Variants in SPATA13 observed in about 807,000 individuals in gnomAD.
SPATA13 encodes the protein spermatogenesis-associated protein 13.
Under a neutral mutation model 104.0 loss-of-function variants are expected in SPATA13, and 50 were observed. The ratio of observed to expected loss-of-function variants is 0.48; its 90% CI spans 0.38 to 0.61. The LOEUF is 0.61. Among genes scored for constraint, SPATA13 ranks in the 20% least tolerant of loss-of-function variants. The pLI is 0.00. For missense variants in SPATA13, 1,524 were observed against 1,690.6 expected, an observed-to-expected ratio of 0.90 and a Z score of 1.73; for synonymous variants, 606 against 667.5, an observed-to-expected ratio of 0.91 and a Z score of 1.42.
At chr13:24,044,140 C>T (rs1379403949) in intron 3 of SPATA13, among the ~76,000 whole-genome samples, 28 of 152,080 alleles carry the variant, frequency 1.8e-4, no homozygotes, top group Admixed American at 1.8e-3. Flanking sequence ...TGAGCCTGGC[C>T]CGGGGCTGCT....
At chr13:24,279,132 A>G (rs1875289613) in intron 4 of SPATA13, among the ~76,000 whole-genome samples, 1 of 152,156 alleles carries the variant, frequency 6.6e-6, no homozygotes, top group African/African-American at 2.4e-5. Flanking sequence ...GACAAATGCT[A>G]TGGAGAAAAC....
chr13:24,158,985 T>C (rs548360144), upstream of SPATA13, among the ~76,000 whole-genome samples: 1 of 152,346 alleles, frequency 6.6e-6, no homozygotes, highest in African/African-American at 2.4e-5. Context: ...TAAAAAGTAT[T>C]GCATGTAAAT....
intron 2 of SPATA13, among the ~76,000 whole-genome samples, chr13:24,228,108 C>CTT (rs71186818): frequency 0.026 from 2,605 of 102,040 alleles, 53 homozygotes; most frequent in African/African-American, 0.045. Context: ...CTCTTGTACT[C>CTT]TTTTTTTTTT....
In SPATA13 at chr13:24,290,859, C is replaced by G; in HGVS notation, c.3055C>G (p.Leu1019Val). The G allele has an allele frequency of 6.2e-7, 1 of 1,614,072 alleles. No individual in the cohort carries two copies. ...CKYPLQLAEL[L>V]KYTTQEHGDY... ...ATACCCGCTGCAGCTGGCCGAGCTG[C>G]TCAAGTATACCACACAGGAACACGG... is the stretch of plus-strand genomic sequence containing the variant. Residue 1019 changes from leucine (L) to valine (V), a missense_variant, in exon 9 of 13, where the codon CTC (leucine) becomes GTC (valine). Leu to Val is a conservative substitution (Grantham distance 32). This residue lies in a region of SPATA13 where 435 missense variants were observed against 554.8 expected (regional missense o/e 0.78). Coordinates refer to ENST00000382108, the MANE Select transcript of SPATA13 (RefSeq NM_001166271.3).
chr13:24,208,060 C>G (rs1870808924), intron 1 of SPATA13, among the ~76,000 whole-genome samples: 1 of 152,240 alleles, frequency 6.6e-6, no homozygotes, highest in South Asian at 2.1e-4. Context: ...GCTGAAAGAG[C>G]TTTCGGCAGG....
chr13:24,038,668 C>T (rs893986513), intron 3 of SPATA13, among the ~76,000 whole-genome samples: 1 of 152,162 alleles, frequency 6.6e-6, no homozygotes, highest in African/African-American at 2.4e-5. Flanking sequence ...CAGCCACAAA[C>T]AGGAAAGTGA....
intron 3 of SPATA13, among the ~76,000 whole-genome samples, chr13:24,139,352 C>T (rs1593355164): frequency 6.6e-6 from 1 of 152,208 alleles, no homozygotes; most frequent in East Asian, 1.9e-4. Context: ...GAGACTCCAG[C>T]TTACCTCGTA....
At chr13:24,265,318 G>A (rs1285775548) in intron 4 of SPATA13, among the ~76,000 whole-genome samples, 1 of 152,188 alleles carries the variant, frequency 6.6e-6, no homozygotes, top group African/African-American at 2.4e-5. Flanking sequence ...CCTGTGTTAC[G>A]TTCAATGCCT....
intron 3 of SPATA13, among the ~76,000 whole-genome samples, chr13:24,064,084 T>C (rs1013464250): frequency 5.9e-5 from 9 of 152,202 alleles, no homozygotes; most frequent in Non-Finnish European, 1.0e-4. Context: ...CTGCCTACCC[T>C]TCCAGCACTT....
At chr13:24,035,638 G>A (rs572244504) in intron 3 of SPATA13, among the ~76,000 whole-genome samples, 6 of 152,298 alleles carry the variant, frequency 3.9e-5, no homozygotes, top group South Asian at 2.1e-4. Context: ...CACAGGAGGC[G>A]TGTCACTGAG....
At position 24,270,947 on chromosome 13, in the gene SPATA13, C is replaced by T. The variant is rs1163488303; in HGVS notation, c.2165-13188C>T. 8.7e-6 allele frequency: 13 copies of T among 1,497,270 alleles called. 1 individual carries two copies. The East Asian group carries it at 1.1e-4, about 13-fold the overall frequency. The allele number at this position is 1,497,270 out of a possible 1,614,324, so 92.7% of individuals were successfully genotyped here. A position where few individuals can be genotyped will look rare whatever the true frequency, so the allele number is the denominator to read the frequency against. The stretch of plus-strand genomic sequence containing the variant: ...CAAAGAATGGATTGTTGTACTGTGA[C>T]ATGTTGCCGATTCAGCTCTTTCCTT... On this transcript the variant is annotated intron_variant, in intron 4 of 12. Coordinates refer to ENST00000382108, the MANE Select transcript of SPATA13 (RefSeq NM_001166271.3).
chr13:24,211,815 C>T (rs59784789), intron 1 of SPATA13, among the ~76,000 whole-genome samples: 15,679 of 152,156 alleles, frequency 0.1, 2,122 homozygotes, highest in African/African-American at 0.31. Context: ...CCTAGGCTCC[C>T]CCACCCTGTC....
rs751031777 is a variant in SPATA13 at position 24,304,779 on chromosome 13, C to T, written c.*2006C>T. ...TGCTTCTGTGGACCATCATGCCGCT[C>T]GGCACGTCCTGAGACAGAAGTTGCT... is the stretch of plus-strand genomic sequence containing the variant. On this transcript the variant is annotated 3_prime_UTR_variant, in exon 13 of 13. Transcript: ENST00000382108. 3 of 152,228 alleles carry T rather than the reference C, an allele frequency of 2.0e-5. No homozygotes were observed. The highest frequency in any genetic ancestry group is 7.2e-5 in the African/African-American group (3 of 41,450). The allele number at this position is 152,228 out of a possible 1,614,324, so 9.4% of individuals were successfully genotyped here.
intron 1 of SPATA13, among the ~76,000 whole-genome samples, chr13:24,209,858 GC>G (rs1322665704): frequency 6.6e-6 from 1 of 152,106 alleles, no homozygotes; most frequent in Non-Finnish European, 1.5e-5. Context: ...TTCCACAGGG[GC>G]TGTACTAATT....
At chr13:24,010,098 T>C (rs1876402614) in intron 2 of SPATA13, among the ~76,000 whole-genome samples, 1 of 152,164 alleles carries the variant, frequency 6.6e-6, no homozygotes, top group South Asian at 2.1e-4. Flanking sequence ...GTGGGACCAC[T>C]CGAAGTGGGG....
rs1028386964 is a variant in SPATA13 at position 24,223,995 on chromosome 13, C to T, written c.1066C>T (p.Arg356Trp). The T allele has an allele frequency of 5.8e-6, 9 of 1,548,656 alleles. No homozygotes were observed. Among genetic ancestry groups the T allele is most frequent in the South Asian group, 3.6e-5 (3 of 83,906 alleles). The change falls in exon 2 of 13, where the codon CGG becomes TGG. Residue 356 changes from arginine to tryptophan, a missense_variant. Physicochemically the swap from Arg to Trp is moderately radical, Grantham distance 101. Around this residue, in one of 2 missense-constraint regions of SPATA13, gnomAD observed 1,089 missense variants for 1,135.9 expected, o/e 0.96. Transcript: ENST00000382108. ...EASLRLQAHS[R>W]LHDDYSRRVS... is the part of the protein sequence containing the mutation. ...CAGCCTGAGACTTCAGGCACACAGC[C>T]GGCTGCATGACGACTACTCCCGCCG...
chr13:23,992,656 C>A (rs1230831663), intron 2 of SPATA13, among the ~76,000 whole-genome samples: 1 of 152,160 alleles, frequency 6.6e-6, no homozygotes, highest in Middle Eastern at 3.2e-3. Context: ...AAGAAATGAA[C>A]ACAAAGTGGT....
chr13:24,235,021 A>T (rs1872499344), intron 2 of SPATA13, among the ~76,000 whole-genome samples: 1 of 152,248 alleles, frequency 6.6e-6, no homozygotes, highest in Non-Finnish European at 1.5e-5. Context: ...CATGTATGGT[A>T]CTTACCACAG....
chr13:24,188,306 T>C (rs1869288300), intron 1 of SPATA13, among the ~76,000 whole-genome samples: 1 of 151,018 alleles, frequency 6.6e-6, no homozygotes, highest in Admixed American at 6.6e-5. Flanking sequence ...CACTCCAGCC[T>C]GGGCAACAGA....
Sources: gnomAD v4.1 joint callset for allele counts (sites outside exome capture counted in the v4.1 genomes callset) on GRCh38, gnomAD v4.1.1 for gene constraint, gnomAD v4.1.1 regional missense constraint, MANE v1.5 for transcripts, NCBI Gene and HGNC (gene_info 2026-07-23, HGNC 2026-07-21) for gene names.